Variants in RTL4 observed in about 807,000 individuals in gnomAD.
The protein encoded by RTL4 is retrotransposon Gag like 4.
A neutral mutation model predicts 5.3 loss-of-function variants in RTL4; 4 were observed. The observed-to-expected ratio is 0.75, with a 90% CI of 0.37 to 1.72. The LOEUF is 1.72. Among genes scored for constraint, RTL4 ranks in the 40% most tolerant of loss-of-function variants. The probability of loss-of-function intolerance (pLI) is 0.04; values close to 1 mark genes in which losing one functional copy is unlikely to be tolerated. For missense variants in RTL4, 260 were observed against 227.1 expected, an observed-to-expected ratio of 1.14 and a Z score of -0.93; for synonymous variants, 98 against 87.3, an observed-to-expected ratio of 1.12 and a Z score of -0.68.
chrX:112,179,941 G>T, the RTL4 span, among the ~76,000 whole-genome samples: 1 of 111,351 alleles, frequency 9.0e-6, no homozygotes, highest in Non-Finnish European at 1.9e-5. Flanking sequence ...TTTATTCTTT[G>T]TTGGATGTGG....
the RTL4 span, among the ~76,000 whole-genome samples, chrX:112,110,567 G>A: frequency 4.5e-5 from 5 of 111,610 alleles, no homozygotes; most frequent in African/African-American, 1.3e-4. Context: ...TTAACTTTTA[G>A]CAAACTTTAC....
At chrX:112,343,364 C>G in the RTL4 span, among the ~76,000 whole-genome samples, 4 of 111,701 alleles carry the variant, frequency 3.6e-5, no homozygotes, top group African/African-American at 1.3e-4. Context: ...GAATCTTACC[C>G]TGTTTCCCAT....
chrX:112,202,972 G>T, the RTL4 span, among the ~76,000 whole-genome samples: 2 of 111,900 alleles, frequency 1.8e-5, no homozygotes, highest in Non-Finnish European at 3.8e-5. Context: ...TGATAGGTGT[G>T]TAGTGATATG....
chrX:112,419,241 T>A, the RTL4 span, among the ~76,000 whole-genome samples: 1 of 98,023 alleles, frequency 1.0e-5, no homozygotes. Context: ...CCCTTTGGAG[T>A]CCTCATTTCT....
the RTL4 span, among the ~76,000 whole-genome samples, chrX:112,167,153 GT>G: frequency 8.9e-6 from 1 of 112,141 alleles, no homozygotes; most frequent in Non-Finnish European, 1.9e-5. Context: ...CAAATCCCTT[GT>G]CCATTTAAGA....
At chrX:112,165,540 T>C in the RTL4 span, among the ~76,000 whole-genome samples, 2 of 111,748 alleles carry the variant, frequency 1.8e-5, no homozygotes, top group African/African-American at 3.3e-5. Flanking sequence ...CCAAGACCCA[T>C]ATGAAATCTT....
the RTL4 span, among the ~76,000 whole-genome samples, chrX:112,363,363 G>C: frequency 9.0e-6 from 1 of 111,265 alleles, no homozygotes; most frequent in Non-Finnish European, 1.9e-5. Flanking sequence ...TTAAGGCCCA[G>C]AGGACAACTG....
chrX:112,299,796 G>C, the RTL4 span, among the ~76,000 whole-genome samples: 12 of 111,369 alleles, frequency 1.1e-4, no homozygotes, highest in South Asian at 4.2e-3. Flanking sequence ...AATATAACTT[G>C]CTCCTGACTT....
At chrX:112,338,232 A>T in the RTL4 span, among the ~76,000 whole-genome samples, 1 of 111,696 alleles carries the variant, frequency 9.0e-6, no homozygotes, top group African/African-American at 3.3e-5. Flanking sequence ...CCAGTTGCCC[A>T]TGGGCACCAT....
At chrX:112,346,660 T>G in the RTL4 span, among the ~76,000 whole-genome samples, 1 of 111,082 alleles carries the variant, frequency 9.0e-6, no homozygotes, top group Non-Finnish European at 1.9e-5. Context: ...AGGAATGGGT[T>G]TACTGAATAC....
the RTL4 span, among the ~76,000 whole-genome samples, chrX:112,330,811 A>C: frequency 1.3e-4 from 15 of 111,565 alleles, no homozygotes; most frequent in African/African-American, 4.9e-4. Context: ...AAACAGAGAT[A>C]TAGATCAATG....
the RTL4 span, among the ~76,000 whole-genome samples, chrX:112,226,974 T>TAAAACAAAACAAAACAAAAC: frequency 1.6e-5 from 1 of 64,334 alleles, no homozygotes; most frequent in African/African-American, 5.5e-5. Flanking sequence ...AATAAAATAA[T>TAAAACAAAACAAAACAAAAC]AAAATAAAAT....
chrX:112,118,431 T>G, the RTL4 span, among the ~76,000 whole-genome samples: 4 of 112,385 alleles, frequency 3.6e-5, no homozygotes, highest in Admixed American at 3.8e-4. Context: ...TACCTGATTG[T>G]CCTCATGACA....
At chrX:112,105,503 A>G in the RTL4 span, among the ~76,000 whole-genome samples, 1 of 111,318 alleles carries the variant, frequency 9.0e-6, no homozygotes, top group Non-Finnish European at 1.9e-5. Context: ...AACAAGACTA[A>G]TTCTTCCAAT....
the RTL4 span, among the ~76,000 whole-genome samples, chrX:112,139,457 A>T: frequency 1.8e-5 from 2 of 112,106 alleles, no homozygotes; most frequent in Admixed American, 9.4e-5. Context: ...ATTTTGGAAG[A>T]TACACTTTGA....
the RTL4 span, among the ~76,000 whole-genome samples, chrX:112,356,519 C>T: frequency 1.3e-4 from 14 of 110,283 alleles, no homozygotes; most frequent in East Asian, 3.7e-3. Flanking sequence ...GAAGAGAATA[C>T]CACGTTGTGT....
chrX:112,289,638 A>C, the RTL4 span, among the ~76,000 whole-genome samples: 1 of 111,612 alleles, frequency 9.0e-6, no homozygotes, highest in Admixed American at 9.5e-5. Flanking sequence ...TGTTGTGTAT[A>C]TTAAATGAGA....
the RTL4 span, among the ~76,000 whole-genome samples, chrX:112,208,705 T>G: frequency 1.8e-5 from 2 of 112,211 alleles, no homozygotes; most frequent in East Asian, 5.6e-4. Flanking sequence ...TCTAGGTGTG[T>G]ATGTAAAGAC....
chrX:112,328,942 G>C, the RTL4 span, among the ~76,000 whole-genome samples: 1 of 111,750 alleles, frequency 8.9e-6, no homozygotes, highest in African/African-American at 3.3e-5. Context: ...CAAAAATAAA[G>C]ATGTTCTTTG....
Sources: gnomAD v4.1 joint callset for allele counts (sites outside exome capture counted in the v4.1 genomes callset) on GRCh38, gnomAD v4.1.1 for gene constraint, MANE v1.5 for transcripts, NCBI Gene and HGNC (gene_info 2026-07-23, HGNC 2026-07-21) for gene names.